The following INSC variants were observed in gnomAD, a reference collection of about 807,000 sequenced individuals.
INSC encodes INSC spindle orientation adaptor protein, also known as protein inscuteable homolog.
INSC carries 67 observed loss-of-function variants against 58.6 expected under a neutral mutation model. That is an observed-to-expected ratio of 1.14 (90% confidence interval 0.94 to 1.40). The LOEUF is 1.40. Among genes scored for constraint, INSC ranks in the 40% most tolerant of loss-of-function variants. The pLI is 0.00. For synonymous variants in INSC, 262 were observed against 276.1 expected, an observed-to-expected ratio of 0.95 and a Z score of 0.51; for missense variants, 714 against 692.0, an observed-to-expected ratio of 1.03 and a Z score of -0.36.
chr11:15,126,399 G>T (rs1034694135), intron 1 of INSC, among the ~76,000 whole-genome samples: 1 of 152,208 alleles, frequency 6.6e-6, no homozygotes, highest in Non-Finnish European at 1.5e-5. Context: ...TTTGAGCAAA[G>T]AACACAGAGA....
intron 1 of INSC, among the ~76,000 whole-genome samples, chr11:15,116,441 T>C (rs1894130): frequency 0.95 from 144,932 of 152,246 alleles, 69,414 homozygotes; most frequent in East Asian, 1. Flanking sequence ...CTCTGCTCCT[T>C]TCCTTTCTTC....
At chr11:15,177,240 G>C (rs971510967) in intron 4 of INSC, 77 bp downstream of exon 4, 18 of 1,110,310 alleles carry the variant, frequency 1.6e-5, no homozygotes, top group African/African-American at 3.1e-5. Context: ...TCTTCTCCCA[G>C]AGGGAGAATG....
chr11:15,206,315 G>A (rs1850795221), intron 7 of INSC, among the ~76,000 whole-genome samples: 1 of 152,198 alleles, frequency 6.6e-6, no homozygotes, highest in Admixed American at 6.5e-5. Context: ...GCCCAGAAGG[G>A]CCAGGGAGGA....
At position 15,156,978 on chromosome 11, in the gene INSC, G is replaced by T. The variant is rs557622725; in HGVS notation, c.56+7748G>T. The stretch of plus-strand genomic sequence containing the variant: ...GGCCTATAACCTGGTATGTGGAGAT[G>T]ATTGTAGTTGCATTTTGCTTTGTGT... On this transcript the variant is annotated intron_variant, in intron 2 of 12. Coordinates refer to ENST00000379556, the MANE Select transcript of INSC (RefSeq NM_001042536.3). 2.6e-5 allele frequency among the ~76,000 whole-genome samples: 4 copies of T among 152,300 alleles called. No homozygotes were observed. The East Asian group carries it at 5.8e-4, about 22-fold the overall frequency.
intron 7 of INSC, among the ~76,000 whole-genome samples, chr11:15,203,235 A>G (rs1850664851): frequency 6.6e-6 from 1 of 152,158 alleles, no homozygotes; most frequent in Non-Finnish European, 1.5e-5. Context: ...GAGCACTGAA[A>G]AGGTCCCTGC....
intron 1 of INSC, among the ~76,000 whole-genome samples, chr11:15,124,181 C>G (rs1164033336): frequency 6.6e-6 from 1 of 152,166 alleles, no homozygotes; most frequent in Non-Finnish European, 1.5e-5. Flanking sequence ...TATCTTCAGC[C>G]CCACTCCTGT....
At chr11:15,182,719 C>T (rs1298474748) in intron 5 of INSC, among the ~76,000 whole-genome samples, 2 of 152,184 alleles carry the variant, frequency 1.3e-5, no homozygotes, top group Non-Finnish European at 2.9e-5. Flanking sequence ...ACTGCATTCC[C>T]CAGGTTCTCA....
chr11:15,166,324 G>A (rs1297413793), intron 2 of INSC, among the ~76,000 whole-genome samples: 5 of 152,198 alleles, frequency 3.3e-5, no homozygotes, highest in Non-Finnish European at 5.9e-5. Context: ...CTTAGTGGAA[G>A]ACAGGAACAT....
chr11:15,180,619 G>A (rs1226020159), intron 5 of INSC, among the ~76,000 whole-genome samples: 1 of 145,298 alleles, frequency 6.9e-6, no homozygotes. Flanking sequence ...CCTGGAAGCT[G>A]AGTAGACCAG....
At chr11:15,221,221 C>T (rs1040984673) in intron 7 of INSC, among the ~76,000 whole-genome samples, 2 of 151,784 alleles carry the variant, frequency 1.3e-5, no homozygotes, top group African/African-American at 2.4e-5. Flanking sequence ...ACTTGATGTC[C>T]GCTATCTAGG....
At chr11:15,190,991 T>C (rs1850150401) in intron 6 of INSC, among the ~76,000 whole-genome samples, 177 bp downstream of exon 6, 1 of 150,364 alleles carries the variant, frequency 6.7e-6, no homozygotes, top group Non-Finnish European at 1.5e-5. Context: ...TTTTTTTTTT[T>C]TTTTTTTGAG....
At chr11:15,261,503 A>T in the INSC span, among the ~76,000 whole-genome samples, 1 of 152,172 alleles carries the variant, frequency 6.6e-6, no homozygotes, top group Non-Finnish European at 1.5e-5. Context: ...TTAAGCACCT[A>T]TTTTGAATTA....
At chr11:15,176,342 A>G (rs1397388668) in intron 3 of INSC, among the ~76,000 whole-genome samples, 2 of 152,086 alleles carry the variant, frequency 1.3e-5, no homozygotes, top group Non-Finnish European at 2.9e-5. Flanking sequence ...TACTTTGAGA[A>G]GCTGTGCAGT....
intron 11 of INSC, 69 bp from the exon 12 acceptor site, chr11:15,240,378 C>A: frequency 5.7e-6 from 8 of 1,401,476 alleles, no homozygotes; most frequent in Non-Finnish European, 7.0e-6. Context: ...CAAGGGAGGC[C>A]CAGAACCTCT....
chr11:15,124,340 C>T (rs1017138978), intron 1 of INSC, among the ~76,000 whole-genome samples: 2 of 152,132 alleles, frequency 1.3e-5, no homozygotes, highest in Non-Finnish European at 2.9e-5. Flanking sequence ...AGTGGCCACA[C>T]TGATTACTCC....
At chr11:15,138,416 A>G (rs1212512772) in intron 1 of INSC, among the ~76,000 whole-genome samples, 1 of 152,238 alleles carries the variant, frequency 6.6e-6, no homozygotes, top group African/African-American at 2.4e-5. Context: ...AAAGCACAAT[A>G]GAGTGAAGTG....
upstream of INSC, among the ~76,000 whole-genome samples, chr11:15,111,567 G>A (rs903885412): frequency 6.6e-6 from 1 of 152,140 alleles, no homozygotes; most frequent in Non-Finnish European, 1.5e-5. Flanking sequence ...GGTGAAATAA[G>A]CTATTTGTGG....
Position 15,221,582 on chromosome 11 carries a change from C to T in INSC, c.925C>T (p.Leu309=). Residue 309 remains leucine (L), a synonymous_variant, in exon 8 of 13, where the codon CTG becomes TTG. Transcript: ENST00000379556. ...AVVAQVTSPH[L]PVTQHLSSFL... ...GGTGGCCCAGGTCACCTCCCCACAC[C>T]TGCCCGTCACCCAGCACCTCAGTAG... The T allele has an allele frequency of 6.2e-7, 1 of 1,613,998 alleles. No homozygotes were observed. Among genetic ancestry groups the T allele is most frequent in the East Asian group, 2.2e-5 (1 of 44,876 alleles).
chr11:15,269,465 T>C, the INSC span, among the ~76,000 whole-genome samples: 1 of 152,042 alleles, frequency 6.6e-6, no homozygotes, highest in Non-Finnish European at 1.5e-5. Context: ...ACAGTTTTCC[T>C]TCCTTGGCAG....
Sources: gnomAD v4.1 joint callset for allele counts (sites outside exome capture counted in the v4.1 genomes callset) on GRCh38, gnomAD v4.1.1 for gene constraint, MANE v1.5 for transcripts, NCBI Gene and HGNC (gene_info 2026-07-23, HGNC 2026-07-21) for gene names.